Variants in TTC6 observed in about 807,000 individuals in gnomAD.
TTC6 encodes the protein tetratricopeptide repeat protein 6.
TTC6 carries 172 observed loss-of-function variants against 210.4 expected under a neutral mutation model. The observed-to-expected ratio is 0.82, with a 90% CI of 0.72 to 0.93. The LOEUF is 0.93. Ranked by LOEUF, TTC6 falls within the 40% of genes least tolerant of loss-of-function variation. The probability of loss-of-function intolerance (pLI) is 0.00; values close to 1 mark genes in which losing one functional copy is unlikely to be tolerated. For synonymous variants in TTC6, 804 were observed against 819.6 expected (o/e 0.98, Z 0.32); for missense variants, 2,414 against 2,318.1 (o/e 1.04, Z -0.85).
chr14:37,813,810 C>G (rs2096135278), intron 25 of TTC6, among the ~76,000 whole-genome samples: 1 of 152,136 alleles, frequency 6.6e-6, no homozygotes, highest in Admixed American at 6.6e-5. Flanking sequence ...CCTCACACCC[C>G]ACATCTGACC....
intron 1 of TTC6, among the ~76,000 whole-genome samples, chr14:37,671,707 C>T (rs1224346011): frequency 6.6e-6 from 1 of 152,098 alleles, no homozygotes; most frequent in Admixed American, 6.6e-5. Flanking sequence ...TGATTTGGCT[C>T]TGTATCTCCA....
Position 37,738,762 on chromosome 14 carries a change from G to C in TTC6, c.1984-14G>C, listed in dbSNP as rs1424433867. ...GATTTTACGTTTTTTCTACCTCTTT[G>C]CTTGCTTACTAAGCGAGTAAAATCT... On this transcript the variant is annotated splice_polypyrimidine_tract_variant and intron_variant, in intron 9 of 30. Coordinates refer to ENST00000553443, the Ensembl canonical transcript of TTC6. 6.9e-7 allele frequency: 1 copy of C among 1,442,524 alleles called. No individual in the cohort carries two copies. Among genetic ancestry groups the C allele is most frequent in the East Asian group, 2.5e-5 (1 of 39,248 alleles). 89.4% of individuals were successfully genotyped at this position (1,442,524 alleles called of 1,614,324 possible).
chr14:37,795,559 C>T (rs2096090742), intron 18 of TTC6, among the ~76,000 whole-genome samples: 1 of 152,032 alleles, frequency 6.6e-6, no homozygotes, highest in Non-Finnish European at 1.5e-5. Context: ...TTTGCTCTAC[C>T]CTTGCATCAA....
chr14:37,796,072 A>G (rs1016595211), intron 18 of TTC6, among the ~76,000 whole-genome samples: 1 of 152,008 alleles, frequency 6.6e-6, no homozygotes, highest in African/African-American at 2.4e-5. Context: ...AGATTTGTGT[A>G]TTTTTCTTTC....
chr14:37,693,978 A>AAAAACAAAC, intron 3 of TTC6, among the ~76,000 whole-genome samples: 1 of 93,914 alleles, frequency 1.1e-5, no homozygotes, highest in African/African-American at 4.8e-5. Flanking sequence ...AAACTACCAC[A>AAAAACAAAC]AAAACAAACA....
chr14:37,635,718 C>T (rs950607119), intron 1 of TTC6, among the ~76,000 whole-genome samples: 2 of 152,012 alleles, frequency 1.3e-5, no homozygotes, highest in African/African-American at 4.8e-5. Context: ...GTGGCTCACG[C>T]CTGTAATCCC....
rs1428645469 is a variant in TTC6, at chr14:37,656,072, A to AT, written c.940-24072dup. ...TATCTAGCCTTTGGAGCTGGTTAGG[A>AT]TTTTTTTGGAAACAAACAAATGTCA... On this transcript the variant is annotated intron_variant, in intron 1 of 30. Transcript: ENST00000553443. 7.2e-5 allele frequency among the ~76,000 whole-genome samples: 11 copies of AT among 152,226 alleles called. No individual in the cohort carries two copies. The South Asian group carries it at 8.3e-4, about 11-fold the overall frequency.
intron 7 of TTC6, among the ~76,000 whole-genome samples, chr14:37,726,159 G>C (rs2095872708): frequency 1.3e-5 from 2 of 151,994 alleles, no homozygotes; most frequent in Non-Finnish European, 2.9e-5. Flanking sequence ...TGGCATTCAG[G>C]ATTATTTTAT....
At chr14:37,697,870 T>C (rs765352694) in intron 4 of TTC6, among the ~76,000 whole-genome samples, 1 of 152,114 alleles carries the variant, frequency 6.6e-6, no homozygotes, top group African/African-American at 2.4e-5. Context: ...AAACCTTGCA[T>C]TTAGTGCATT....
chr14:37,807,265 A>G, intron 22 of TTC6, 55 bp from the exon 25 acceptor site: 2 of 1,401,814 alleles, frequency 1.4e-6, no homozygotes, highest in Middle Eastern at 2.0e-4. Context: ...TTTTGGTAGA[A>G]TTGGTGCTTT....
At chr14:37,717,641 C>A (rs543609557) in intron 6 of TTC6, among the ~76,000 whole-genome samples, 1 of 152,200 alleles carries the variant, frequency 6.6e-6, no homozygotes, top group East Asian at 1.9e-4. Context: ...GAACAATTAA[C>A]AGCGATTCTA....
intron 8 of TTC6, 35 bp from the exon 11 acceptor site, chr14:37,737,625 G>T: frequency 1.6e-6 from 2 of 1,227,328 alleles, no homozygotes; most frequent in South Asian, 2.8e-5. Context: ...TAGTATCTGT[G>T]ACTAATGTAT....
chr14:37,759,388 C>A (rs2095977432), intron 14 of TTC6, among the ~76,000 whole-genome samples: 1 of 152,294 alleles, frequency 6.6e-6, no homozygotes, highest in Non-Finnish European at 1.5e-5. Context: ...GTCTGATGGG[C>A]TTCCCTTTGT....
At chr14:37,789,596 T>TTATATATATA (rs1283814571) in intron 15 of TTC6, among the ~76,000 whole-genome samples, 2,943 of 134,374 alleles carry the variant, frequency 0.022, 33 homozygotes, top group African/African-American at 0.028. Flanking sequence ...TGGTTTCCTC[T>TTATATATATA]TATATATATA....
intron 5 of TTC6, among the ~76,000 whole-genome samples, chr14:37,705,620 C>T (rs2095834085): frequency 1.3e-5 from 2 of 152,124 alleles, no homozygotes; most frequent in South Asian, 4.1e-4. Flanking sequence ...ATATGCTTAA[C>T]TCTGTGGTAG....
At chr14:37,651,416 TATATA>T (rs1566864433) in intron 1 of TTC6, among the ~76,000 whole-genome samples, 1 of 26,148 alleles carries the variant, frequency 3.8e-5, no homozygotes, top group African/African-American at 2.3e-4. Context: ...TATATATATA[TATATA>T]TATATTTTTT....
chr14:37,642,249 C>A (rs964647316), intron 1 of TTC6, among the ~76,000 whole-genome samples: 1 of 152,204 alleles, frequency 6.6e-6, no homozygotes, highest in African/African-American at 2.4e-5. Context: ...CAAGGATTTG[C>A]TCATAGTGCC....
At chr14:37,629,931 C>G (rs562260093) in intron 1 of TTC6, among the ~76,000 whole-genome samples, 1 of 152,236 alleles carries the variant, frequency 6.6e-6, no homozygotes, top group East Asian at 1.9e-4. Context: ...GTATGTTGAA[C>G]CAGCCTTGCA....
chr14:37,736,403 C>T (rs1313241995), intron 8 of TTC6, among the ~76,000 whole-genome samples: 1 of 151,970 alleles, frequency 6.6e-6, no homozygotes, highest in African/African-American at 2.4e-5. Flanking sequence ...TCAGACCATT[C>T]AGTGCTATCC....
Sources: allele counts gnomAD v4.1 joint callset (sites outside exome capture counted in the v4.1 genomes callset), GRCh38; gene constraint gnomAD v4.1.1; transcripts MANE v1.5; gene names NCBI Gene and HGNC (gene_info 2026-07-23, HGNC 2026-07-21).